The following DPF3 variants were observed in gnomAD, a reference collection of about 807,000 sequenced individuals.
The protein encoded by DPF3 is zinc finger protein DPF3.
In DPF3, 18 loss-of-function variants were observed where a neutral mutation model predicts 56.8. The observed-to-expected ratio is 0.32, with a 90% CI of 0.22 to 0.47. The LOEUF (loss-of-function observed/expected upper bound fraction) is 0.47. Among genes scored for constraint, DPF3 ranks in the 20% least tolerant of loss-of-function variants. The pLI, the probability that DPF3 is intolerant of heterozygous loss-of-function variation, is 1.00. For missense variants in DPF3, 403 were observed against 488.8 expected (o/e 0.82, Z 1.65); for synonymous variants, 188 against 180.2 (o/e 1.04, Z -0.35).
chr14:72,626,654 C>T lies in DPF3; in HGVS notation c.984+2970G>A, dbSNP rs535908873. On this transcript the variant is annotated intron_variant, in intron 9 of 10. Transcript: ENST00000556509. ...CAATGCTACCACAAATAACCTTATG[C>T]ATTCCATCATGTTGCAGGTATATCT... is the stretch of plus-strand genomic sequence containing the variant. 2.0e-5 allele frequency among the ~76,000 whole-genome samples: 3 copies of T among 152,202 alleles called. No individual in the cohort carries two copies. In the South Asian group the frequency reaches 6.2e-4, roughly 32 times the overall value.
In DPF3 at chr14:72,836,626, C is replaced by G. The variant is rs1401940079; in HGVS notation, c.32+57431G>C. 2.0e-5 allele frequency: 15 copies of G among 743,350 alleles called. No individual in the cohort carries two copies. The South Asian group carries it at 8.0e-4, about 40-fold the overall frequency. 46.0% of individuals were successfully genotyped at this position (743,350 alleles called of 1,614,324 possible). The stretch of plus-strand genomic sequence containing the variant: ...CTTTTCTCTGAAGGAAACCTCCTAC[C>G]CAGTGCTTAGGAGCCCATTGGGAGC... On this transcript the variant is annotated intron_variant, in intron 1 of 10. Transcript: ENST00000556509.
chr14:72,863,160 G>A (rs201470325), intron 1 of DPF3, among the ~76,000 whole-genome samples: 7,575 of 79,768 alleles, frequency 0.095, 279 homozygotes, highest in Non-Finnish European at 0.12. Flanking sequence ...GTGTGTGTGT[G>A]TGTGTGTGTG....
chr14:72,624,923 C>T (rs987054212), intron 9 of DPF3, among the ~76,000 whole-genome samples: 1 of 152,134 alleles, frequency 6.6e-6, no homozygotes, highest in Non-Finnish European at 1.5e-5. Flanking sequence ...GAAATTGAGG[C>T]CAGTACGTCT....
chr14:72,796,320 G>A (rs1024429807), intron 1 of DPF3, among the ~76,000 whole-genome samples: 5 of 152,116 alleles, frequency 3.3e-5, no homozygotes, highest in Admixed American at 2.0e-4. Flanking sequence ...TGGACAACAT[G>A]GCAGAACCCC....
chr14:72,813,285 G>A (rs888182460), intron 1 of DPF3, among the ~76,000 whole-genome samples: 1 of 152,154 alleles, frequency 6.6e-6, no homozygotes, highest in African/African-American at 2.4e-5. Flanking sequence ...TGGCAAGGCC[G>A]TGCTGCTCAG....
At chr14:72,880,695 T>A (rs1162003463) in intron 1 of DPF3, among the ~76,000 whole-genome samples, 1 of 152,058 alleles carries the variant, frequency 6.6e-6, no homozygotes, top group Admixed American at 6.6e-5. Flanking sequence ...TAACTGTGAC[T>A]AAAGGCGCGT....
chr14:72,837,677 G>T (rs1884356016), intron 1 of DPF3, among the ~76,000 whole-genome samples: 2 of 152,130 alleles, frequency 1.3e-5, no homozygotes, highest in South Asian at 4.1e-4. Context: ...GGCAGAGGTT[G>T]CAGTGAGCCA....
At chr14:72,764,049 G>A (rs1338974668) in intron 2 of DPF3, among the ~76,000 whole-genome samples, 4 of 152,170 alleles carry the variant, frequency 2.6e-5, no homozygotes, top group Non-Finnish European at 5.9e-5. Context: ...TCCAAGTGAT[G>A]TGTCTTTTTA....
chr14:72,744,257 G>T (rs993255463), intron 3 of DPF3, among the ~76,000 whole-genome samples: 1 of 152,114 alleles, frequency 6.6e-6, no homozygotes, highest in African/African-American at 2.4e-5. Context: ...CAAATGACTC[G>T]ATGTCAGCCA....
At chr14:72,736,318 C>T (rs1208791942) in intron 3 of DPF3, among the ~76,000 whole-genome samples, 1 of 152,146 alleles carries the variant, frequency 6.6e-6, no homozygotes, top group Non-Finnish European at 1.5e-5. Flanking sequence ...TTCAGACTAG[C>T]CACATTTCAA....
chr14:72,641,515 G>A (rs904614971), intron 8 of DPF3, among the ~76,000 whole-genome samples: 1 of 152,318 alleles, frequency 6.6e-6, no homozygotes, highest in East Asian at 1.9e-4. Flanking sequence ...CTAGGTGACT[G>A]AGCCTTGCCC....
chr14:72,729,112 G>C (rs1889528083), intron 4 of DPF3, among the ~76,000 whole-genome samples: 1 of 152,072 alleles, frequency 6.6e-6, no homozygotes, highest in Admixed American at 6.6e-5. Flanking sequence ...GCCAGAGGTG[G>C]TGGTGCGCAA....
At chr14:72,861,437 G>A (rs1885401690) in intron 1 of DPF3, among the ~76,000 whole-genome samples, 1 of 152,046 alleles carries the variant, frequency 6.6e-6, no homozygotes, top group Non-Finnish European at 1.5e-5. Flanking sequence ...TCAATATGTT[G>A]AGTATGTTTC....
intron 3 of DPF3, among the ~76,000 whole-genome samples, chr14:72,748,837 A>C (rs552176891): frequency 1.3e-5 from 2 of 152,348 alleles, no homozygotes; most frequent in Admixed American, 1.3e-4. Context: ...ACAGAAGTCA[A>C]GAACTGAAGT....
chr14:72,636,819 T>G (rs1409850775), intron 8 of DPF3, among the ~76,000 whole-genome samples: 1 of 152,136 alleles, frequency 6.6e-6, no homozygotes, highest in Non-Finnish European at 1.5e-5. Flanking sequence ...GCTCCCTTTT[T>G]CTCTCACCAT....
intron 5 of DPF3, among the ~76,000 whole-genome samples, chr14:72,719,069 CTTTT>C (rs71448401): frequency 9.9e-6 from 1 of 100,710 alleles, no homozygotes; most frequent in African/African-American, 3.8e-5. Context: ...CGTGCCAGGC[CTTTT>C]TTTTTTTTTT....
intron 1 of DPF3, among the ~76,000 whole-genome samples, chr14:72,817,132 G>T (rs1883323769): frequency 6.6e-6 from 1 of 152,148 alleles, no homozygotes; most frequent in African/African-American, 2.4e-5. Flanking sequence ...GCGTCCAGGG[G>T]TCCTCCACGG....
intron 8 of DPF3, among the ~76,000 whole-genome samples, chr14:72,645,805 C>A (rs4903037): frequency 0.21 from 32,443 of 150,968 alleles, 3,665 homozygotes; most frequent in African/African-American, 0.27. Context: ...CCCCACCCCC[C>A]AAAAAACCAC....
intron 1 of DPF3, among the ~76,000 whole-genome samples, chr14:72,879,258 C>A (rs540646099): frequency 6.6e-6 from 1 of 151,998 alleles, no homozygotes; most frequent in Non-Finnish European, 1.5e-5. Flanking sequence ...TGGTGTGCAC[C>A]TATTGTCCCA....
Sources: gnomAD v4.1 joint callset for allele counts (sites outside exome capture counted in the v4.1 genomes callset) on GRCh38, gnomAD v4.1.1 for gene constraint, MANE v1.5 for transcripts, NCBI Gene and HGNC (gene_info 2026-07-23, HGNC 2026-07-21) for gene names.